Variants in NALF1 observed in about 807,000 individuals in gnomAD.
The protein encoded by NALF1 is NALCN channel auxiliary factor 1, also known as family with sequence similarity 155 member A.
A neutral mutation model predicts 48.4 loss-of-function variants in NALF1; 3 were observed. The observed-to-expected ratio is 0.06, with a 90% CI of 0.03 to 0.16. The LOEUF (loss-of-function observed/expected upper bound fraction) is 0.16. Ranked by LOEUF, NALF1 falls within the 10% of genes least tolerant of loss-of-function variation. The probability of loss-of-function intolerance (pLI) is 1.00; values close to 1 mark genes in which losing one functional copy is unlikely to be tolerated. For synonymous variants in NALF1, 262 were observed against 245.7 expected (o/e 1.07, Z -0.62); for missense variants, 526 against 571.5 (o/e 0.92, Z 0.81).
intron 1 of NALF1, among the ~76,000 whole-genome samples, chr13:107,567,183 A>G (rs111671918): frequency 6.6e-6 from 1 of 152,160 alleles, no homozygotes; most frequent in African/African-American, 2.4e-5. Flanking sequence ...TCAGTTTCAT[A>G]TATTTGTTTT....
At chr13:107,383,099 T>A (rs1323748949) in intron 1 of NALF1, among the ~76,000 whole-genome samples, 1 of 152,212 alleles carries the variant, frequency 6.6e-6, no homozygotes, top group Non-Finnish European at 1.5e-5. Context: ...ACAGTTTGAA[T>A]ATTTTATGAC....
intron 1 of NALF1, among the ~76,000 whole-genome samples, chr13:107,364,073 A>T (rs908979796): frequency 3.3e-5 from 5 of 152,218 alleles, no homozygotes; most frequent in African/African-American, 1.2e-4. Flanking sequence ...ACCATTTGTA[A>T]GATCATATTT....
At chr13:107,713,834 G>A (rs1389478112) in intron 1 of NALF1, among the ~76,000 whole-genome samples, 5 of 152,128 alleles carry the variant, frequency 3.3e-5, no homozygotes, top group South Asian at 2.1e-4. Context: ...TTCCTAATGC[G>A]CAAGTACAGC....
At chr13:107,238,137 G>A (rs576241681) in intron 1 of NALF1, among the ~76,000 whole-genome samples, 93 of 152,250 alleles carry the variant, frequency 6.1e-4, no homozygotes, top group African/African-American at 2.1e-3. Flanking sequence ...CTACAAGAAG[G>A]GCTTTGCCTG....
intron 1 of NALF1, among the ~76,000 whole-genome samples, chr13:107,683,682 C>T (rs527461418): frequency 3.9e-5 from 6 of 152,292 alleles, no homozygotes; most frequent in South Asian, 4.1e-4. Flanking sequence ...CCAGAGAGGC[C>T]GTGGCAGGAC....
chr13:107,658,257 A>G (rs1420011080), intron 1 of NALF1, among the ~76,000 whole-genome samples: 2 of 148,192 alleles, frequency 1.3e-5, no homozygotes, highest in Non-Finnish European at 3.0e-5. Flanking sequence ...ATCTATCTTT[A>G]ATTTTTTCCT....
chr13:107,511,671 T>C (rs1383434042), intron 1 of NALF1, among the ~76,000 whole-genome samples: 1 of 152,156 alleles, frequency 6.6e-6, no homozygotes, highest in Non-Finnish European at 1.5e-5. Context: ...ACTTTATCTT[T>C]GCTAAGGTCT....
chr13:107,820,157 T>C (rs1488468630), intron 1 of NALF1, among the ~76,000 whole-genome samples: 1 of 152,232 alleles, frequency 6.6e-6, no homozygotes, highest in African/African-American at 2.4e-5. Context: ...GGCGGTTGAC[T>C]GTTTATTGTC....
Position 107,325,851 on chromosome 13 carries a change from CACACATATAT to C in NALF1, c.916-115106_916-115097del, listed in dbSNP as rs1469844854. The stretch of plus-strand genomic sequence containing the variant: ...GAGAAACTGTGTCTCAACACACACA[CACACATATAT>C]ATATATATATATATATATATATATA... On this transcript the variant is annotated intron_variant, in intron 1 of 2. Transcript: ENST00000375915. Among the ~76,000 whole-genome samples, 176 of 51,978 alleles carry C rather than the reference CACACATATAT, an allele frequency of 3.4e-3. 5 individuals are homozygous for C. The East Asian group carries it at 0.093, about 28-fold the overall frequency. 34.1% of individuals were successfully genotyped at this position (51,978 alleles called of 152,430 possible).
At chr13:107,837,363 A>G (rs1879924480) in intron 1 of NALF1, among the ~76,000 whole-genome samples, 2 of 152,298 alleles carry the variant, frequency 1.3e-5, no homozygotes, top group South Asian at 2.1e-4. Context: ...TCCCCTCCAG[A>G]GCCTATTGAA....
At chr13:107,252,782 A>G (rs1449413528) in intron 1 of NALF1, among the ~76,000 whole-genome samples, 1 of 152,248 alleles carries the variant, frequency 6.6e-6, no homozygotes, top group East Asian at 1.9e-4. Context: ...TATTTTCTAA[A>G]TATATCTCAA....
chr13:107,843,176 G>A (rs1880085761), intron 1 of NALF1, among the ~76,000 whole-genome samples: 1 of 152,160 alleles, frequency 6.6e-6, no homozygotes, highest in African/African-American at 2.4e-5. Context: ...TACTTAAAAT[G>A]CTCCAGATAG....
chr13:107,258,424 G>T (rs956050159), intron 1 of NALF1, among the ~76,000 whole-genome samples: 1 of 152,062 alleles, frequency 6.6e-6, no homozygotes, highest in African/African-American at 2.4e-5. Context: ...GCCATATCCC[G>T]TTCCTGCAGC....
chr13:107,533,235 T>C (rs562557139), intron 1 of NALF1, among the ~76,000 whole-genome samples: 15 of 152,252 alleles, frequency 9.9e-5, no homozygotes, highest in African/African-American at 3.4e-4. Flanking sequence ...ATTTACACAT[T>C]TGAAATGCAG....
intron 1 of NALF1, among the ~76,000 whole-genome samples, chr13:107,851,097 G>C (rs1207822061): frequency 2.0e-5 from 3 of 152,112 alleles, no homozygotes; most frequent in African/African-American, 7.2e-5. Flanking sequence ...CCTCATGGTT[G>C]AATTAATTTT....
intron 1 of NALF1, among the ~76,000 whole-genome samples, chr13:107,440,295 G>A (rs1224722099): frequency 6.6e-6 from 1 of 152,226 alleles, no homozygotes; most frequent in Admixed American, 6.5e-5. Context: ...GGGGGTTGGA[G>A]TAGCTGTGGA....
At chr13:107,455,364 T>TA (rs202146209) in intron 1 of NALF1, among the ~76,000 whole-genome samples, 4,690 of 151,842 alleles carry the variant, frequency 0.031, 245 homozygotes, top group African/African-American at 0.11. Context: ...CTTTTGCCTT[T>TA]TAAAAAAAAA....
At chr13:107,629,922 T>C (rs1761577761) in intron 1 of NALF1, among the ~76,000 whole-genome samples, 5 of 152,158 alleles carry the variant, frequency 3.3e-5, no homozygotes, top group Admixed American at 1.3e-4. Flanking sequence ...TGAACTAGTA[T>C]CTTCGCATTC....
chr13:107,185,695 G>A (rs1451399970), intron 2 of NALF1, among the ~76,000 whole-genome samples: 1 of 151,906 alleles, frequency 6.6e-6, no homozygotes, highest in Non-Finnish European at 1.5e-5. Context: ...TTTCCACCAT[G>A]TATATATTTA....
Sources: gnomAD v4.1 joint callset for allele counts (sites outside exome capture counted in the v4.1 genomes callset) on GRCh38, gnomAD v4.1.1 for gene constraint, MANE v1.5 for transcripts, NCBI Gene and HGNC (gene_info 2026-07-23, HGNC 2026-07-21) for gene names.